The following SPACA7 variants were observed in gnomAD, a reference collection of about 807,000 sequenced individuals.
SPACA7 encodes the protein sperm acrosome associated 7.
A neutral mutation model predicts 26.3 loss-of-function variants in SPACA7; 19 were observed. That is an observed-to-expected ratio of 0.72 (90% CI 0.50 to 1.06). The LOEUF (loss-of-function observed/expected upper bound fraction) is 1.06. Ranked by LOEUF, SPACA7 falls within the 50% of genes least tolerant of loss-of-function variation. The pLI is 0.00. For missense variants in SPACA7, 211 were observed against 229.9 expected, an observed-to-expected ratio of 0.92 and a Z score of 0.53; for synonymous variants, 84 against 84.5, an observed-to-expected ratio of 0.99 and a Z score of 0.04.
In SPACA7 at chr13:112,380,944, T is replaced by C. The variant is rs138004865; in HGVS notation, c.94+4465T>C. ...AACAAAGTAGCAAATTGTATGACTATACCATCTTACAATTTTTAGAGATAT... is the reference window on the plus strand; with the variant it reads ...AACAAAGTAGCAAATTGTATGACTACACCATCTTACAATTTTTAGAGATAT... On this transcript the variant is annotated intron_variant, in intron 1 of 6. Transcript: ENST00000283550. Among the ~76,000 whole-genome samples, 28 of 152,332 alleles carry C rather than the reference T, an allele frequency of 1.8e-4. 1 individual carries two copies. The East Asian group carries it at 3.5e-3, about 19-fold the overall frequency.
chr13:112,431,610 G>A (rs977809563), intron 5 of SPACA7, among the ~76,000 whole-genome samples: 9 of 152,176 alleles, frequency 5.9e-5, no homozygotes, highest in Non-Finnish European at 1.3e-4. Flanking sequence ...AGACTGAGGG[G>A]TCAGGCCAGT....
At chr13:112,394,437 G>A (rs908580914) in intron 2 of SPACA7, among the ~76,000 whole-genome samples, 3 of 151,750 alleles carry the variant, frequency 2.0e-5, no homozygotes, top group Non-Finnish European at 2.9e-5. Flanking sequence ...AGGGGCTCCC[G>A]TGGGAACGCA....
chr13:112,432,915 C>T (rs1877307988), intron 6 of SPACA7, among the ~76,000 whole-genome samples: 1 of 152,216 alleles, frequency 6.6e-6, no homozygotes, highest in South Asian at 2.1e-4. Flanking sequence ...TCAGGAGGCC[C>T]CCCACCCTCT....
chr13:112,428,041 AT>A (rs1876716808), intron 5 of SPACA7, among the ~76,000 whole-genome samples: 2 of 151,768 alleles, frequency 1.3e-5, no homozygotes, highest in African/African-American at 4.8e-5. Context: ...TCTTAACATT[AT>A]TTTCTTTCCT....
At chr13:112,402,002 T>C (rs1183744524) in intron 5 of SPACA7, among the ~76,000 whole-genome samples, 1 of 152,212 alleles carries the variant, frequency 6.6e-6, no homozygotes, top group African/African-American at 2.4e-5. Flanking sequence ...CACACTTCCC[T>C]CTTTTAGTTT....
intron 4 of SPACA7, among the ~76,000 whole-genome samples, 160 bp downstream of exon 4, chr13:112,399,333 C>T (rs1013340618): frequency 6.6e-6 from 1 of 152,234 alleles, no homozygotes; most frequent in Non-Finnish European, 1.5e-5. Flanking sequence ...CAGTCTCTGT[C>T]GGGGCTGAGG....
chr13:112,432,801 G>A (rs1395944069), intron 6 of SPACA7, among the ~76,000 whole-genome samples: 1 of 152,134 alleles, frequency 6.6e-6, no homozygotes, highest in African/African-American at 2.4e-5. Context: ...AGAATAATCA[G>A]GACTCACAAG....
intron 2 of SPACA7, among the ~76,000 whole-genome samples, chr13:112,394,074 T>C (rs1885074842): frequency 6.6e-6 from 1 of 152,076 alleles, no homozygotes. Flanking sequence ...GTCAAATTAC[T>C]AGTGAGATGT....
At chr13:112,407,427 G>A (rs138058749) in intron 5 of SPACA7, among the ~76,000 whole-genome samples, 2,095 of 152,200 alleles carry the variant, frequency 0.014, 45 homozygotes, top group African/African-American at 0.048. Flanking sequence ...GTGAATCCAG[G>A]AGCTGGTTTT....
chr13:112,400,946 A>C, intron 4 of SPACA7, 123 bp from the exon 5 acceptor site: 1 of 718,738 alleles, frequency 1.4e-6, no homozygotes, highest in East Asian at 2.7e-5. Flanking sequence ...CATATTTTCA[A>C]ATAAAACTTG....
chr13:112,427,796 T>C (rs1312977227), intron 5 of SPACA7, among the ~76,000 whole-genome samples: 1 of 152,206 alleles, frequency 6.6e-6, no homozygotes, highest in African/African-American at 2.4e-5. Flanking sequence ...TATGGGAACT[T>C]TCTCATTTCA....
At chr13:112,402,390 T>A (rs1279696565) in intron 5 of SPACA7, among the ~76,000 whole-genome samples, 2 of 140,190 alleles carry the variant, frequency 1.4e-5, no homozygotes, top group African/African-American at 5.5e-5. Context: ...TATCCTGCTA[T>A]CTTACTGAAT....
intron 5 of SPACA7, among the ~76,000 whole-genome samples, chr13:112,427,496 C>T (rs749778509): frequency 6.6e-6 from 1 of 152,118 alleles, no homozygotes; most frequent in South Asian, 2.1e-4. Context: ...GGACATTGGT[C>T]TGTGGTTTGT....
intron 5 of SPACA7, among the ~76,000 whole-genome samples, chr13:112,419,435 A>C (rs533920264): frequency 1.8e-4 from 28 of 152,304 alleles, no homozygotes; most frequent in South Asian, 1.4e-3. Context: ...GATCACCCAC[A>C]GCTGGGGACA....
Position 112,396,814 on chromosome 13 carries a change from T to C in SPACA7, c.152-1235T>C, listed in dbSNP as rs189485308. On this transcript the variant is annotated intron_variant, in intron 2 of 6. Transcript: ENST00000283550. Reference sequence around the variant, plus strand: ...CCGGCAGCTCCGCAATACAAGGCCATGTCCCTGAGGTTGTCCTGGCCTCTC... The same window carrying C: ...CCGGCAGCTCCGCAATACAAGGCCACGTCCCTGAGGTTGTCCTGGCCTCTC... Among the ~76,000 whole-genome samples the C allele has an allele frequency of 4.5e-4, 68 of 152,264 alleles. No individual in the cohort carries two copies. The East Asian group carries it at 0.012, about 27-fold the overall frequency.
chr13:112,381,955 T>C (rs1002767116), intron 1 of SPACA7, among the ~76,000 whole-genome samples: 2 of 152,176 alleles, frequency 1.3e-5, no homozygotes, highest in Non-Finnish European at 2.9e-5. Context: ...TGCATAACTC[T>C]AAACCATATA....
At chr13:112,381,150 G>T (rs945315799) in intron 1 of SPACA7, among the ~76,000 whole-genome samples, 2 of 151,982 alleles carry the variant, frequency 1.3e-5, no homozygotes, top group Non-Finnish European at 2.9e-5. Flanking sequence ...TGATCATGAC[G>T]CCAGGGTGAT....
chr13:112,376,581 T>C, intron 1 of SPACA7, 102 bp downstream of exon 1: 1 of 1,249,058 alleles, frequency 8.0e-7, no homozygotes, highest in Non-Finnish European at 1.1e-6. Flanking sequence ...CCTACATGAA[T>C]TTACCATTTA....
chr13:112,410,412 T>G (rs966853100), intron 5 of SPACA7, among the ~76,000 whole-genome samples: 3 of 152,034 alleles, frequency 2.0e-5, no homozygotes, highest in African/African-American at 7.2e-5. Context: ...TTATAAAAGT[T>G]GTTTGTTGTT....
Sources: gnomAD v4.1 joint callset for allele counts (sites outside exome capture counted in the v4.1 genomes callset) on GRCh38, gnomAD v4.1.1 for gene constraint, MANE v1.5 for transcripts, NCBI Gene and HGNC (gene_info 2026-07-23, HGNC 2026-07-21) for gene names.